The following ARHGEF17 variants were observed in gnomAD, a reference collection of about 807,000 sequenced individuals.
ARHGEF17 encodes Rho guanine nucleotide exchange factor 17, also known as 164 kDa Rho-specific guanine-nucleotide exchange factor.
A neutral mutation model predicts 174.0 loss-of-function variants in ARHGEF17; 80 were observed. The observed-to-expected ratio is 0.46, with a 90% CI of 0.38 to 0.55. The LOEUF is 0.55. Among genes scored for constraint, ARHGEF17 ranks in the 20% least tolerant of loss-of-function variants. The pLI is 0.00. For missense variants in ARHGEF17, 2,886 were observed against 2,839.7 expected, an observed-to-expected ratio of 1.02 and a Z score of -0.37; for synonymous variants, 1,311 against 1,189.1, an observed-to-expected ratio of 1.10 and a Z score of -2.11.
chr11:73,342,215 G>A (rs1015999866), intron 1 of ARHGEF17, among the ~76,000 whole-genome samples: 2 of 151,606 alleles, frequency 1.3e-5, no homozygotes, highest in African/African-American at 4.9e-5. Context: ...GTCTAGGGGT[G>A]GGGCGGATGG....
At chr11:73,323,911 T>G (rs893161497) in intron 1 of ARHGEF17, among the ~76,000 whole-genome samples, 1 of 152,222 alleles carries the variant, frequency 6.6e-6, no homozygotes, top group African/African-American at 2.4e-5. Flanking sequence ...GCACCAGGAC[T>G]TCCTCTCATG....
intron 1 of ARHGEF17, among the ~76,000 whole-genome samples, chr11:73,314,142 C>T (rs1864889687): frequency 6.6e-6 from 1 of 152,236 alleles, no homozygotes; most frequent in Admixed American, 6.5e-5. Context: ...ATATGGGGAG[C>T]AGCTGTCCAC....
At chr11:73,335,303 G>A (rs957055329) in intron 1 of ARHGEF17, among the ~76,000 whole-genome samples, 3 of 152,174 alleles carry the variant, frequency 2.0e-5, no homozygotes, top group Non-Finnish European at 4.4e-5. Context: ...TGGTTTCTCT[G>A]CCTGTAAAAT....
At chr11:73,331,508 AC>A (rs1865202936) in intron 1 of ARHGEF17, among the ~76,000 whole-genome samples, 1 of 152,094 alleles carries the variant, frequency 6.6e-6, no homozygotes, top group Non-Finnish European at 1.5e-5. Context: ...TGCCATGGCA[AC>A]AGCCAGTTCA....
intron 2 of ARHGEF17, among the ~76,000 whole-genome samples, chr11:73,348,057 C>G (rs1037491125): frequency 6.6e-5 from 10 of 152,202 alleles, no homozygotes; most frequent in African/African-American, 2.4e-4. Flanking sequence ...CCTGGATGCA[C>G]ACATGGCCTG....
chr11:73,359,981 G>A, intron 10 of ARHGEF17, 29 bp downstream of exon 10: 4 of 1,564,018 alleles, frequency 2.6e-6, no homozygotes. Context: ...ACACTGGGGA[G>A]CCAGAGGGTG....
At chr11:73,355,087 T>C (rs1713370099) in intron 3 of ARHGEF17, among the ~76,000 whole-genome samples, 1 of 151,658 alleles carries the variant, frequency 6.6e-6, no homozygotes, top group African/African-American at 2.4e-5. Flanking sequence ...CGGGGCGAGA[T>C]TTGGATGAGG....
chr11:73,347,635 C>T (rs1200307193), intron 2 of ARHGEF17, among the ~76,000 whole-genome samples: 2 of 152,194 alleles, frequency 1.3e-5, no homozygotes, highest in Admixed American at 6.5e-5. Flanking sequence ...GCTATGCTGT[C>T]GGAGTCGGCA....
At position 73,323,073 on chromosome 11, in the gene ARHGEF17, C is replaced by G. The variant is rs184561659; in HGVS notation, c.3192+11243C>G. ...AGAGTGAGGTGGCTGTGAGCCCTGC[C>G]TCTGTGCCCAGCAAGCCTCCTGTCT... On this transcript the variant is annotated intron_variant, in intron 1 of 20. Transcript: ENST00000263674. Among the ~76,000 whole-genome samples, 622 of 152,254 alleles carry G rather than the reference C, an allele frequency of 4.1e-3. 3 individuals are homozygous for G. Among genetic ancestry groups the G allele is most frequent in the Non-Finnish European group, 7.0e-3 (478 of 68,010 alleles).
intron 1 of ARHGEF17, among the ~76,000 whole-genome samples, chr11:73,319,148 C>G (rs1182488614): frequency 6.6e-6 from 1 of 151,428 alleles, no homozygotes; most frequent in South Asian, 2.1e-4. Context: ...ACTGCAACCT[C>G]CACTTCCCGG....
intron 1 of ARHGEF17, among the ~76,000 whole-genome samples, chr11:73,318,354 G>A (rs1864962450): frequency 6.6e-6 from 1 of 152,144 alleles, no homozygotes; most frequent in Admixed American, 6.5e-5. Flanking sequence ...ACCTTTATCT[G>A]GGCCGGGCGT....
In ARHGEF17 at chr11:73,362,643, T is replaced by G; in HGVS notation, c.4905T>G (p.Phe1635Leu). The change falls in exon 14 of 21, where the codon TTT becomes TTG. Residue 1635 changes from phenylalanine to leucine, a missense_variant. Coordinates refer to ENST00000263674, the MANE Select transcript of ARHGEF17 (RefSeq NM_014786.4). The part of the protein sequence containing the change: ...EGDPRPELVP[F>L]DSDSDDESSP... ...ACCCCCGCCCAGAGCTGGTGCCCTTTGACAGTGACTCTGACGATGAGTCTT... is the reference window on the plus strand; with the variant it reads ...ACCCCCGCCCAGAGCTGGTGCCCTTGGACAGTGACTCTGACGATGAGTCTT... 6.2e-7 allele frequency: 1 copy of G among 1,611,674 alleles called. No individual in the cohort carries two copies. The highest frequency in any genetic ancestry group is 8.5e-7 in the Non-Finnish European group (1 of 1,180,006).
intron 1 of ARHGEF17, among the ~76,000 whole-genome samples, chr11:73,327,119 C>T (rs974198978): frequency 6.6e-6 from 1 of 152,208 alleles, no homozygotes; most frequent in African/African-American, 2.4e-5. Flanking sequence ...GGCAGCACCT[C>T]CCACCCGGGG....
At chr11:73,362,303 A>C (rs778829780) in intron 13 of ARHGEF17, 64 bp downstream of exon 13, 1 of 1,457,534 alleles carries the variant, frequency 6.9e-7, no homozygotes, top group Non-Finnish European at 9.0e-7. Context: ...CTGTCCCAGC[A>C]CACTCTCAGG....
At chr11:73,330,014 T>C (rs1236114575) in intron 1 of ARHGEF17, among the ~76,000 whole-genome samples, 3 of 152,244 alleles carry the variant, frequency 2.0e-5, no homozygotes, top group Admixed American at 6.5e-5. Flanking sequence ...ATTTATCTTA[T>C]AATGAGTAAG....
intron 20 of ARHGEF17, among the ~76,000 whole-genome samples, chr11:73,366,912 C>T (rs575823801): frequency 2.0e-5 from 3 of 152,152 alleles, no homozygotes; most frequent in South Asian, 4.2e-4. Flanking sequence ...TGGTGGCGGG[C>T]GCCTGTAATC....
rs142473891 is a variant in ARHGEF17, at chr11:73,359,834, G to A, written c.4088G>A (p.Gly1363Glu). 527 of 1,603,028 alleles carry A rather than the reference G, an allele frequency of 3.3e-4. 3 individuals are homozygous for A. The African/African-American group carries it at 6.4e-3, about 19-fold the overall frequency. The change falls in exon 10 of 21, where the codon GGG becomes GAG. Residue 1363 changes from glycine (G) to glutamate (E), a missense_variant and splice_region_variant. Gly to Glu is a moderately conservative substitution (Grantham distance 98). Transcript: ENST00000263674. ...CCACGGCCTTCCTCTCTCCCTCTAG[G>A]GGCATCCCAAGCCACCAATCGGGAG... Reference protein sequence around the residue: ...LPLEDADIIKGASQATNRENI... With the variant: ...LPLEDADIIKEASQATNRENI...
At chr11:73,340,186 T>A (rs1865348018) in intron 1 of ARHGEF17, among the ~76,000 whole-genome samples, 1 of 152,172 alleles carries the variant, frequency 6.6e-6, no homozygotes, top group Non-Finnish European at 1.5e-5. Context: ...CTGTTCCTTC[T>A]CTTTGCTTCC....
At chr11:73,364,309 G>A in intron 17 of ARHGEF17, 70 bp downstream of exon 17, 1 of 1,605,238 alleles carries the variant, frequency 6.2e-7, no homozygotes, top group Admixed American at 1.7e-5. Flanking sequence ...TCCTGGAGAT[G>A]TGGCTTTGGG....
Sources: allele counts gnomAD v4.1 joint callset (sites outside exome capture counted in the v4.1 genomes callset), GRCh38; gene constraint gnomAD v4.1.1; transcripts MANE v1.5; gene names NCBI Gene and HGNC (gene_info 2026-07-23, HGNC 2026-07-21).